Variants in CYP2C18 observed in about 807,000 individuals in gnomAD.
The protein encoded by CYP2C18 is cytochrome P450 family 2 subfamily C member 18.
CYP2C18 carries 38 observed loss-of-function variants against 41.3 expected under a neutral mutation model. That is an observed-to-expected ratio of 0.92 (90% CI 0.71 to 1.21). The LOEUF (loss-of-function observed/expected upper bound fraction) is 1.21, where lower values mean the gene tolerates loss of function less well. Ranked by LOEUF, CYP2C18 falls within the 50% of genes most tolerant of loss-of-function variation. The pLI is 0.00. For missense variants in CYP2C18, 635 were observed against 591.4 expected (o/e 1.07, Z -0.77); for synonymous variants, 236 against 210.0 (o/e 1.12, Z -1.07).
chr10:94,726,409 C>A (rs1373002808), intron 7 of CYP2C18, among the ~76,000 whole-genome samples: 1 of 152,000 alleles, frequency 6.6e-6, no homozygotes, highest in African/African-American at 2.4e-5. Context: ...CCTTATTGTT[C>A]AACTCCCACT....
intron 1 of CYP2C18, among the ~76,000 whole-genome samples, chr10:94,684,858 A>G (rs1406295561): frequency 6.6e-6 from 1 of 151,766 alleles, no homozygotes; most frequent in Non-Finnish European, 1.5e-5. Context: ...TTATCTTTTT[A>G]TCTTTTTGAT....
intron 4 of CYP2C18, among the ~76,000 whole-genome samples, chr10:94,697,194 T>A (rs1048269917): frequency 6.6e-6 from 1 of 152,142 alleles, no homozygotes; most frequent in African/African-American, 2.4e-5. Flanking sequence ...TCACCGAAGT[T>A]GAAATGAAGG....
intron 7 of CYP2C18, 141 bp downstream of exon 7, chr10:94,724,674 A>T (rs1482451439): frequency 1.3e-6 from 1 of 797,172 alleles, no homozygotes; most frequent in Non-Finnish European, 2.0e-6. Context: ...TGCTGTTTCC[A>T]TTCCAGTTTG....
At chr10:94,733,476 A>C in intron 8 of CYP2C18, 38 bp downstream of exon 8, 3 of 1,609,368 alleles carry the variant, frequency 1.9e-6, no homozygotes, top group Non-Finnish European at 1.7e-6. Context: ...TTCAGGGCAC[A>C]TGATACCTTT....
At chr10:94,719,231 A>T (rs974399137) in intron 5 of CYP2C18, among the ~76,000 whole-genome samples, 1 of 151,788 alleles carries the variant, frequency 6.6e-6, no homozygotes, top group South Asian at 2.1e-4. Context: ...TTAAGATTGT[A>T]TATATACAAA....
intron 6 of CYP2C18, among the ~76,000 whole-genome samples, chr10:94,723,421 T>G (rs1847680677): frequency 6.6e-6 from 1 of 152,122 alleles, no homozygotes; most frequent in Non-Finnish European, 1.5e-5. Context: ...TATTTGATTA[T>G]TTTTAGTGTT....
intron 7 of CYP2C18, chr10:94,728,480 C>G (rs1046406202): frequency 5.9e-6 from 1 of 169,536 alleles, no homozygotes; most frequent in Non-Finnish European, 1.2e-5. Flanking sequence ...GATCCTTGCC[C>G]GAATCTATGG....
chr10:94,726,369 C>T (rs2134207406), intron 7 of CYP2C18, among the ~76,000 whole-genome samples: 1 of 152,130 alleles, frequency 6.6e-6, no homozygotes, highest in South Asian at 2.1e-4. Context: ...CCCCCACAGG[C>T]CCTGGTGTGT....
At chr10:94,702,002 A>T (rs1448486163) in intron 4 of CYP2C18, among the ~76,000 whole-genome samples, 4 of 152,130 alleles carry the variant, frequency 2.6e-5, no homozygotes, top group Non-Finnish European at 5.9e-5. Flanking sequence ...TGGTAAAAAA[A>T]AAATAAAAAA....
intron 5 of CYP2C18, among the ~76,000 whole-genome samples, chr10:94,716,938 G>A (rs76731488): frequency 0.012 from 1,850 of 152,122 alleles, 55 homozygotes; most frequent in African/African-American, 0.043. Context: ...TTATGTAATG[G>A]CCTTGTTTGT....
At chr10:94,707,915 G>A (rs570161783) in intron 5 of CYP2C18, among the ~76,000 whole-genome samples, 6 of 152,212 alleles carry the variant, frequency 3.9e-5, no homozygotes, top group Admixed American at 3.9e-4. Flanking sequence ...AATAGTGGTA[G>A]GGTCAATATG....
intron 7 of CYP2C18, among the ~76,000 whole-genome samples, chr10:94,726,020 T>C (rs1589806284): frequency 6.6e-6 from 1 of 152,042 alleles, no homozygotes; most frequent in East Asian, 1.9e-4. Context: ...GTCTTTGGAG[T>C]GACTCATAAA....
intron 8 of CYP2C18, among the ~76,000 whole-genome samples, chr10:94,734,631 T>C (rs78133057): frequency 0.041 from 6,235 of 152,034 alleles, 444 homozygotes; most frequent in African/African-American, 0.14. Flanking sequence ...AGCTTGAAAC[T>C]TTGTGGTGTG....
intron 4 of CYP2C18, among the ~76,000 whole-genome samples, chr10:94,698,307 A>G (rs1847162889): frequency 6.6e-6 from 1 of 152,254 alleles, no homozygotes; most frequent in African/African-American, 2.4e-5. Flanking sequence ...CAATCAAACT[A>G]GAACTCAGGA....
intron 4 of CYP2C18, among the ~76,000 whole-genome samples, chr10:94,703,976 AG>A (rs1037270325): frequency 1.3e-4 from 20 of 152,286 alleles, no homozygotes; most frequent in Non-Finnish European, 2.1e-4. Context: ...TCCCTTGGCT[AG>A]GGGAGGGAGT....
At chr10:94,684,352 C>G (rs1282855404) in intron 1 of CYP2C18, among the ~76,000 whole-genome samples, 1 of 152,110 alleles carries the variant, frequency 6.6e-6, no homozygotes, top group Non-Finnish European at 1.5e-5. Context: ...CCTTATTTGG[C>G]CCATCTCCAC....
intron 5 of CYP2C18, among the ~76,000 whole-genome samples, chr10:94,716,724 C>T (rs1847552489): frequency 6.6e-6 from 1 of 152,106 alleles, no homozygotes; most frequent in Admixed American, 6.6e-5. Flanking sequence ...GAGTTCAATT[C>T]CTGGATATCC....
chr10:94,695,618 AGT>A (rs1212215205), intron 4 of CYP2C18, among the ~76,000 whole-genome samples: 1 of 152,132 alleles, frequency 6.6e-6, no homozygotes, highest in Non-Finnish European at 1.5e-5. Context: ...CTCACTAGGC[AGT>A]GTCAAACAGT....
chr10:94,728,138 T>A (rs1847774066), intron 7 of CYP2C18, among the ~76,000 whole-genome samples: 1 of 152,152 alleles, frequency 6.6e-6, no homozygotes, highest in Admixed American at 6.6e-5. Context: ...CAGTTTTTTT[T>A]AGTTTGTTTC....
Sources: gnomAD v4.1 joint callset for allele counts (sites outside exome capture counted in the v4.1 genomes callset) on GRCh38, gnomAD v4.1.1 for gene constraint, MANE v1.5 for transcripts, NCBI Gene and HGNC (gene_info 2026-07-23, HGNC 2026-07-21) for gene names.